Variants in AGBL4 observed in about 807,000 individuals in gnomAD.
The protein encoded by AGBL4 is cytosolic carboxypeptidase 6.
Under a neutral mutation model 66.4 loss-of-function variants are expected in AGBL4, and 58 were observed. The observed-to-expected ratio is 0.87, with a 90% CI of 0.71 to 1.09. The LOEUF (loss-of-function observed/expected upper bound fraction) is 1.09, where lower values mean the gene tolerates loss of function less well. AGBL4 is among the 50% of genes least tolerant of loss of function. AGBL4 has a pLI of 0.00. For missense variants in AGBL4, 579 were observed against 631.0 expected (o/e 0.92, Z 0.88); for synonymous variants, 234 against 222.9 (o/e 1.05, Z -0.44).
chr1:48,961,160 A>T (rs1393433336), intron 5 of AGBL4, among the ~76,000 whole-genome samples: 1 of 152,078 alleles, frequency 6.6e-6, no homozygotes, highest in Non-Finnish European at 1.5e-5. Flanking sequence ...TGCCTAGAAC[A>T]CTGCAGGAAC....
chr1:49,570,653 T>A (rs112052214), intron 3 of AGBL4, among the ~76,000 whole-genome samples: 1,750 of 152,242 alleles, frequency 0.011, 31 homozygotes, highest in African/African-American at 0.031. Context: ...AGTCATATAT[T>A]GTTTGCCTAG....
At chr1:48,723,795 C>T (rs1647186706) in intron 6 of AGBL4, among the ~76,000 whole-genome samples, 1 of 152,184 alleles carries the variant, frequency 6.6e-6, no homozygotes, top group Non-Finnish European at 1.5e-5. Context: ...GATAAAATGT[C>T]ATTCCTTTTG....
chr1:49,111,565 C>T (rs1387865932), intron 4 of AGBL4, among the ~76,000 whole-genome samples: 2 of 152,212 alleles, frequency 1.3e-5, no homozygotes, highest in Non-Finnish European at 2.9e-5. Flanking sequence ...AGAGAGGCTT[C>T]TTTTGACCAT....
intron 3 of AGBL4, among the ~76,000 whole-genome samples, chr1:49,368,054 T>C (rs867437878): frequency 2.0e-5 from 3 of 152,230 alleles, no homozygotes; most frequent in African/African-American, 7.2e-5. Context: ...TCACTTTGCA[T>C]ATTTTTCAGG....
chr1:48,648,139 C>A (rs1645868443), intron 8 of AGBL4, among the ~76,000 whole-genome samples: 3 of 152,054 alleles, frequency 2.0e-5, no homozygotes, highest in Non-Finnish European at 4.4e-5. Flanking sequence ...AATGTGCTAC[C>A]AACAACACCA....
chr1:48,540,051 A>C (rs1644039815), intron 11 of AGBL4, among the ~76,000 whole-genome samples: 2 of 152,202 alleles, frequency 1.3e-5, no homozygotes, highest in African/African-American at 4.8e-5. Flanking sequence ...CATAGCTTTC[A>C]GGGTACAGCC....
intron 3 of AGBL4, among the ~76,000 whole-genome samples, chr1:49,639,156 C>A (rs1645732967): frequency 6.6e-6 from 1 of 152,016 alleles, no homozygotes; most frequent in Non-Finnish European, 1.5e-5. Context: ...AGAAATCTGC[C>A]AGAATAAAAT....
chr1:49,770,738 G>T (rs1183788892), intron 2 of AGBL4, among the ~76,000 whole-genome samples: 1 of 151,924 alleles, frequency 6.6e-6, no homozygotes, highest in Non-Finnish European at 1.5e-5. Flanking sequence ...ATTTAAACGT[G>T]CTATGTTGTA....
chr1:49,593,061 C>T (rs78951692), intron 3 of AGBL4, among the ~76,000 whole-genome samples: 8,107 of 152,156 alleles, frequency 0.053, 244 homozygotes, highest in African/African-American at 0.071. Flanking sequence ...CTTGCACATG[C>T]GTAAAATCAC....
chr1:48,742,020 T>C (rs1649990648), intron 6 of AGBL4, among the ~76,000 whole-genome samples: 1 of 152,250 alleles, frequency 6.6e-6, no homozygotes, highest in Admixed American at 6.5e-5. Context: ...TTTTTGTTTA[T>C]GATTTGTTTT....
intron 3 of AGBL4, among the ~76,000 whole-genome samples, chr1:49,490,814 A>C (rs1647171686): frequency 6.6e-6 from 1 of 151,766 alleles, no homozygotes; most frequent in African/African-American, 2.4e-5. Context: ...AGTTTATTTT[A>C]ACATGCTATA....
intron 9 of AGBL4, among the ~76,000 whole-genome samples, chr1:48,629,654 G>A: frequency 6.6e-6 from 1 of 152,154 alleles, no homozygotes; most frequent in East Asian, 1.9e-4. Flanking sequence ...AAATGGGGTA[G>A]ATGCCGAGTC....
At chr1:48,878,679 C>T (rs1325409334) in intron 5 of AGBL4, among the ~76,000 whole-genome samples, 2 of 152,078 alleles carry the variant, frequency 1.3e-5, no homozygotes, top group African/African-American at 2.4e-5. Context: ...TGATTCAGAT[C>T]GGTATCTCCA....
chr1:49,744,013 T>G lies in AGBL4; in HGVS notation c.158-46576A>C, dbSNP rs181225082. 5.4e-3 allele frequency among the ~76,000 whole-genome samples: 811 copies of G among 151,374 alleles called. 8 individuals carry two copies. The highest frequency in any genetic ancestry group is 6.6e-3 in the Non-Finnish European group (447 of 67,692). ...GGCACATGTATACATATGTAACAAA[T>G]CTGCACGTTGTGCACATGTACCCTA... On this transcript the variant is annotated intron_variant, in intron 2 of 13. Coordinates refer to ENST00000371839, the MANE Select transcript of AGBL4 (RefSeq NM_032785.4).
intron 11 of AGBL4, among the ~76,000 whole-genome samples, chr1:48,577,940 G>A (rs1295339658): frequency 6.6e-6 from 1 of 152,268 alleles, no homozygotes; most frequent in East Asian, 1.9e-4. Context: ...AGGCAGAGTG[G>A]AGCGAACACA....
At chr1:49,766,420 C>A (rs983072489) in intron 2 of AGBL4, among the ~76,000 whole-genome samples, 3 of 152,094 alleles carry the variant, frequency 2.0e-5, no homozygotes, top group Admixed American at 1.3e-4. Context: ...ACAAGCCTTA[C>A]AAGAGAACCT....
chr1:49,674,103 C>T (rs1646533983), intron 3 of AGBL4, among the ~76,000 whole-genome samples: 2 of 151,802 alleles, frequency 1.3e-5, no homozygotes, highest in South Asian at 2.1e-4. Flanking sequence ...TTTAATAGGT[C>T]GGAAAAAAAG....
intron 4 of AGBL4, among the ~76,000 whole-genome samples, chr1:49,068,850 G>C (rs752892964): frequency 5.9e-5 from 9 of 152,206 alleles, no homozygotes; most frequent in Non-Finnish European, 1.0e-4. Context: ...CCCATCAACA[G>C]TGTAAAAGTG....
At chr1:49,426,825 T>C (rs1392219962) in intron 3 of AGBL4, among the ~76,000 whole-genome samples, 1 of 152,192 alleles carries the variant, frequency 6.6e-6, no homozygotes, top group African/African-American at 2.4e-5. Context: ...CTATGCTTTA[T>C]ACTCTGAGAA....
Sources: gnomAD v4.1 joint callset for allele counts (sites outside exome capture counted in the v4.1 genomes callset) on GRCh38, gnomAD v4.1.1 for gene constraint, MANE v1.5 for transcripts, NCBI Gene and HGNC (gene_info 2026-07-23, HGNC 2026-07-21) for gene names.